The following C4orf50 variants were observed in gnomAD, a reference collection of about 807,000 sequenced individuals.
C4orf50 encodes uncharacterized protein C4orf50.
Under a neutral mutation model 77.2 loss-of-function variants are expected in C4orf50, and 80 were observed. That is an observed-to-expected ratio of 1.04 (90% CI 0.87 to 1.25). The LOEUF is 1.25. Among genes scored for constraint, C4orf50 ranks in the 50% most tolerant of loss-of-function variants. The probability of loss-of-function intolerance (pLI) is 0.00; values close to 1 mark genes in which losing one functional copy is unlikely to be tolerated. For synonymous variants in C4orf50, 532 were observed against 465.3 expected, an observed-to-expected ratio of 1.14 and a Z score of -1.84; for missense variants, 1,257 against 1,152.9, an observed-to-expected ratio of 1.09 and a Z score of -1.31.
At chr4:5,945,010 C>A (rs887822714) in intron 7 of C4orf50, among the ~76,000 whole-genome samples, 6 of 152,068 alleles carry the variant, frequency 3.9e-5, no homozygotes, top group African/African-American at 1.4e-4. Context: ...TGGTAAGTGG[C>A]ATGGTTGGAA....
chr4:5,944,395 C>G (rs1481452310), intron 7 of C4orf50, among the ~76,000 whole-genome samples: 1 of 152,186 alleles, frequency 6.6e-6, no homozygotes, highest in African/African-American at 2.4e-5. Context: ...CAGGAGTTCT[C>G]CCACTATCCT....
At chr4:5,974,182 C>G (rs7677386) in intron 30 of C4orf50, among the ~76,000 whole-genome samples, 71,332 of 152,104 alleles carry the variant, frequency 0.47, 17,009 homozygotes, top group East Asian at 0.71. Flanking sequence ...GTACAATGGG[C>G]TTTGTCATGG....
At chr4:5,927,364 G>A (rs950407321) in intron 7 of C4orf50, among the ~76,000 whole-genome samples, 5 of 151,868 alleles carry the variant, frequency 3.3e-5, no homozygotes, top group Non-Finnish European at 5.9e-5. Flanking sequence ...TCTCCCCCAA[G>A]CCCCTTTGTT....
intron 32 of C4orf50, 135 bp downstream of exon 10, chr4:5,967,279 G>A: frequency 1.4e-6 from 1 of 718,378 alleles, no homozygotes; most frequent in Non-Finnish European, 2.5e-6. Flanking sequence ...GCGGGAGGGA[G>A]AGGTGGGTCC....
chr4:5,982,010 C>G (rs1720616523), intron 28 of C4orf50, among the ~76,000 whole-genome samples: 1 of 152,122 alleles, frequency 6.6e-6, no homozygotes, highest in Non-Finnish European at 1.5e-5. Flanking sequence ...TCCAGGGCTG[C>G]TGGGGCATCT....
intron 7 of C4orf50, chr4:5,904,953 C>T (rs11727881): frequency 0.45 from 68,822 of 151,946 alleles, 16,800 homozygotes; most frequent in East Asian, 0.74. Flanking sequence ...CAGTGAAATA[C>T]CTAAGTCGAA....
In C4orf50 at chr4:5,979,052, A is replaced by G. The variant is rs553541627; in HGVS notation, c.3864+1122T>C. Among the ~76,000 whole-genome samples, 17 of 152,358 alleles carry G rather than the reference A, an allele frequency of 1.1e-4. No individual in the cohort carries two copies. In the East Asian group the frequency reaches 3.1e-3, roughly 28 times the overall value. ...GTCCAACAATTGTAAAGTTGCTAAC[A>G]TTCAGGATAACGAGTTATGGGCAAA... is the stretch of plus-strand genomic sequence containing the variant. On this transcript the variant is annotated intron_variant, in intron 29 of 33. Transcript: ENST00000531445.
At position 5,966,162 on chromosome 4, in the gene C4orf50, G is replaced by C. The variant is rs6814845; in HGVS notation, c.4154-1017C>G. ...CAGGAAAATTCTGTCTGGTCAGATA[G>C]GGGCTTCATTTTCTTTTTAATAATA... On this transcript the variant is annotated intron_variant, in intron 32 of 33. Coordinates refer to ENST00000531445, the Ensembl canonical transcript of C4orf50. Among the ~76,000 whole-genome samples, 181 of 152,294 alleles carry C rather than the reference G, an allele frequency of 1.2e-3. 3 individuals are homozygous for C. The highest frequency in any genetic ancestry group is 4.3e-3 in the African/African-American group (178 of 41,574).
intron 7 of C4orf50, among the ~76,000 whole-genome samples, chr4:5,951,896 A>G (rs1197108778): frequency 6.6e-6 from 1 of 151,986 alleles, no homozygotes; most frequent in Admixed American, 6.6e-5. Flanking sequence ...CTGGGTTCCA[A>G]TCCCTCTCCT....
chr4:5,973,953 T>C lies in C4orf50; in HGVS notation c.3922-112A>G, dbSNP rs1720102710. 9.3e-6 allele frequency: 8 copies of C among 860,482 alleles called. No individual in the cohort carries two copies. The South Asian group carries it at 1.3e-4, about 14-fold the overall frequency. 53.3% of individuals were successfully genotyped at this position (860,482 alleles called of 1,614,324 possible). A position where few individuals can be genotyped will look rare whatever the true frequency, so the allele number is the denominator to read the frequency against. ...GGCCCCTACTCACCATCCCCAGCCCTGCCTCAGCTCAGCGGAGCAGCCTCC... is the reference window on the plus strand; with the variant it reads ...GGCCCCTACTCACCATCCCCAGCCCCGCCTCAGCTCAGCGGAGCAGCCTCC... On this transcript the variant is annotated intron_variant, in intron 30 of 33. Transcript: ENST00000531445.
Position 6,011,848 on chromosome 4 carries a change from C to T in C4orf50, c.408G>A (p.Gln136=), listed in dbSNP as rs567112397. 5.0e-6 allele frequency: 2 copies of T among 398,998 alleles called. No individual in the cohort carries two copies. Among genetic ancestry groups the T allele is most frequent in the Non-Finnish European group, 8.8e-6 (2 of 226,104 alleles). The allele number at this position is 398,998 out of a possible 1,614,324, so 24.7% of individuals were successfully genotyped here. A position where few individuals can be genotyped will look rare whatever the true frequency, so the allele number is the denominator to read the frequency against. The change falls in exon 24 of 34, where the codon CAG becomes CAA. Residue 136 remains glutamine, a synonymous_variant. Transcript: ENST00000531445. This position sits in a 1 kb window ranked among gnomAD's most constrained non-coding sequence, Gnocchi z 4.2. ...ACGGTACCTGGCTGGCCAGCTCCCC[C>T]TGCAGCGCCGCCAGCTTCTCCTGGG...
At chr4:5,913,782 C>T (rs543831674) in intron 7 of C4orf50, among the ~76,000 whole-genome samples, 31 of 152,208 alleles carry the variant, frequency 2.0e-4, no homozygotes, top group Non-Finnish European at 2.9e-4. Flanking sequence ...GGGGCTTTCT[C>T]GCTGCATTGT....
intron 25 of C4orf50, among the ~76,000 whole-genome samples, chr4:5,996,453 C>T (rs113114261): frequency 1.3e-5 from 2 of 151,644 alleles, no homozygotes; most frequent in African/African-American, 4.8e-5. Flanking sequence ...CTCCACCCCG[C>T]TACCACCACC....
chr4:5,969,842 C>T (rs966964636), intron 31 of C4orf50, among the ~76,000 whole-genome samples: 17 of 152,242 alleles, frequency 1.1e-4, no homozygotes, highest in African/African-American at 3.9e-4. Flanking sequence ...AGGGAGAGGA[C>T]AGGAAACTAC....
At chr4:5,952,299 G>A (rs1302232090), downstream of C4orf50, among the ~76,000 whole-genome samples, 4 of 152,212 alleles carry the variant, frequency 2.6e-5, no homozygotes, top group African/African-American at 9.7e-5. The surrounding 1 kb of genome is among the most constrained non-coding windows in gnomAD (Gnocchi z 4.4). Flanking sequence ...AGAGGAGGAG[G>A]AGAGAACAGA....
At chr4:5,936,208 G>GAAAA (rs11333410) in intron 7 of C4orf50, among the ~76,000 whole-genome samples, 1 of 147,156 alleles carries the variant, frequency 6.8e-6, no homozygotes, top group Non-Finnish European at 1.5e-5. Context: ...CATGCTGCAG[G>GAAAA]AAAAAAAAAA....
rs574861877 is a variant in C4orf50 at position 5,989,577 on chromosome 4, G to T, written c.2469C>A (p.Gly823=). Reference sequence around the variant, plus strand: ...AGGCTGAGCACTGCCAGCCCCTGCTGCCCGGCTGCAGGGTGGACAGCTGCT... The same window carrying T: ...AGGCTGAGCACTGCCAGCCCCTGCTTCCCGGCTGCAGGGTGGACAGCTGCT... The change falls in exon 28 of 34, where the codon GGC becomes GGA. Residue 823 remains glycine (G), a synonymous_variant. Transcript: ENST00000531445. 4,584 of 1,536,096 alleles carry T rather than the reference G, an allele frequency of 3.0e-3. 24 individuals carry two copies. Among genetic ancestry groups the T allele is most frequent in the Middle Eastern group, 0.011 (68 of 5,990 alleles).
intron 29 of C4orf50, among the ~76,000 whole-genome samples, chr4:5,978,464 T>C (rs1339771724): frequency 2.0e-5 from 3 of 152,196 alleles, no homozygotes; most frequent in Non-Finnish European, 1.5e-5. Context: ...ATATTGAAAC[T>C]GAGCAGAAAG....
At chr4:5,994,822 C>T (rs909820425) in intron 25 of C4orf50, among the ~76,000 whole-genome samples, 1 of 152,190 alleles carries the variant, frequency 6.6e-6, no homozygotes, top group Admixed American at 6.5e-5. Context: ...CCTGTTAGGA[C>T]CTGGGCCGTA....
Sources: gnomAD v4.1 joint callset for allele counts (sites outside exome capture counted in the v4.1 genomes callset) on GRCh38, gnomAD v4.1.1 for gene constraint, Gnocchi (gnomAD v3.1) non-coding constraint, MANE v1.5 for transcripts, NCBI Gene and HGNC (gene_info 2026-07-23, HGNC 2026-07-21) for gene names.